Variants in PAPSS1 observed in about 807,000 individuals in gnomAD.
The protein encoded by PAPSS1 is bifunctional 3'-phosphoadenosine 5'-phosphosulfate synthase 1.
A neutral mutation model predicts 72.0 loss-of-function variants in PAPSS1; 50 were observed. That is an observed-to-expected ratio of 0.69 (90% CI 0.55 to 0.88). The LOEUF (loss-of-function observed/expected upper bound fraction) is 0.88, where lower values mean the gene tolerates loss of function less well. Among genes scored for constraint, PAPSS1 ranks in the 40% least tolerant of loss-of-function variants. The pLI, the probability that PAPSS1 is intolerant of heterozygous loss-of-function variation, is 0.00. For missense variants in PAPSS1, 657 were observed against 782.2 expected (o/e 0.84, Z 1.91); for synonymous variants, 261 against 263.6 (o/e 0.99, Z 0.09).
chr4:107,709,500 G>A (rs1291505514), intron 1 of PAPSS1, among the ~76,000 whole-genome samples: 2 of 152,210 alleles, frequency 1.3e-5, no homozygotes, highest in Non-Finnish European at 2.9e-5. Flanking sequence ...GTTAGGAGAT[G>A]AGAGGAGCCT....
chr4:107,648,995 T>G (rs555168039), intron 9 of PAPSS1, among the ~76,000 whole-genome samples: 5 of 152,364 alleles, frequency 3.3e-5, no homozygotes, highest in Admixed American at 1.3e-4. Flanking sequence ...ATGGCAGCAA[T>G]GAACTACTTT....
Position 107,720,219 on chromosome 4 carries a change from G to T in PAPSS1, c.-40C>A, listed in dbSNP as rs566161497. ...CTGAGCAGCCGGGGTTCTCTGCGCCGGGAGGGTAGCAAGAGGAGGGCAGGC... is the reference window on the plus strand; with the variant it reads ...CTGAGCAGCCGGGGTTCTCTGCGCCTGGAGGGTAGCAAGAGGAGGGCAGGC... On this transcript the variant is annotated 5_prime_UTR_variant, in exon 1 of 12. Transcript: ENST00000265174. 3.2e-6 allele frequency: 5 copies of T among 1,582,862 alleles called. No individual in the cohort carries two copies. Among genetic ancestry groups the T allele is most frequent in the African/African-American group, 1.4e-5 (1 of 72,496 alleles).
At chr4:107,676,568 A>C (rs1164872657) in intron 5 of PAPSS1, among the ~76,000 whole-genome samples, 6 of 152,232 alleles carry the variant, frequency 3.9e-5, no homozygotes, top group Non-Finnish European at 8.8e-5. Context: ...TTCCATGCTC[A>C]TGGGTAGGAA....
rs147908305 is a variant in PAPSS1 at position 107,716,666 on chromosome 4, A to G, written c.60+3454T>C. 5.5e-3 allele frequency among the ~76,000 whole-genome samples: 819 copies of G among 149,410 alleles called. 8 individuals carry two copies. Among genetic ancestry groups the G allele is most frequent in the African/African-American group, 0.019 (768 of 41,358 alleles). ...TGAAAACTGGTCCCATTGGAGAAAG[A>G]TTCAATTGGATAGAAAATGATATTC... is the stretch of plus-strand genomic sequence containing the variant. On this transcript the variant is annotated intron_variant, in intron 1 of 11. Coordinates refer to ENST00000265174, the MANE Select transcript of PAPSS1 (RefSeq NM_005443.5).
At chr4:107,622,515 G>C (rs956888248) in intron 11 of PAPSS1, among the ~76,000 whole-genome samples, 2 of 152,062 alleles carry the variant, frequency 1.3e-5, no homozygotes, top group Admixed American at 1.3e-4. Context: ...CCCTACAATG[G>C]TTTCAAAAGA....
chr4:107,651,016 A>T (rs1726826171), intron 9 of PAPSS1, among the ~76,000 whole-genome samples: 1 of 152,330 alleles, frequency 6.6e-6, no homozygotes, highest in Admixed American at 6.5e-5. Context: ...TGTATCAATC[A>T]TTATTCATTC....
At chr4:107,684,779 C>T (rs1722729068) in intron 4 of PAPSS1, among the ~76,000 whole-genome samples, 1 of 149,444 alleles carries the variant, frequency 6.7e-6, no homozygotes, top group Admixed American at 6.8e-5. Context: ...TGATTGATGT[C>T]TCATGCCTCT....
chr4:107,644,649 G>A (rs17037943), intron 10 of PAPSS1, among the ~76,000 whole-genome samples, 153 bp downstream of exon 10: 34,125 of 152,072 alleles, frequency 0.22, 3,878 homozygotes, highest in East Asian at 0.37. Context: ...AGCATCCAGG[G>A]AATATCCCTA....
chr4:107,714,101 C>T (rs922981095), intron 1 of PAPSS1, among the ~76,000 whole-genome samples: 10 of 152,130 alleles, frequency 6.6e-5, no homozygotes, highest in African/African-American at 2.2e-4. Context: ...GCAGAAATCC[C>T]CCATCCTCCA....
In PAPSS1 at chr4:107,628,912, A is replaced by ACTAC. The variant is rs1481002042; in HGVS notation, c.1736+2715_1736+2718dup. On this transcript the variant is annotated intron_variant, in intron 11 of 11. Transcript: ENST00000265174. ...ACAACTTCAGAGTTTACAGCTTCAC[A>ACTAC]CTACCACTTTAAACTTACAGAGTGT... Among the ~76,000 whole-genome samples the ACTAC allele has an allele frequency of 2.6e-5, 4 of 152,222 alleles. No individual in the cohort carries two copies. In the South Asian group the frequency reaches 8.3e-4, roughly 32 times the overall value.
At chr4:107,707,094 G>T (rs1246859335) in intron 1 of PAPSS1, among the ~76,000 whole-genome samples, 1 of 152,204 alleles carries the variant, frequency 6.6e-6, no homozygotes, top group East Asian at 1.9e-4. Context: ...TATTGGGATG[G>T]TCCTGAAACC....
rs1726658582 is a variant in PAPSS1 at position 107,645,130 on chromosome 4, G to T, written c.1238-60C>A. ...GTTTCTAACAGATTACTTTCCAAAG[G>T]ATACGCAATTTTTCTTAAAACTTGA... On this transcript the variant is annotated intron_variant, in intron 9 of 11. Transcript: ENST00000265174. 6 of 1,318,946 alleles carry T rather than the reference G, an allele frequency of 4.5e-6. No homozygotes were observed. In the African/African-American group the frequency reaches 6.0e-5, roughly 13 times the overall value. 81.7% of individuals were successfully genotyped at this position (1,318,946 alleles called of 1,614,324 possible).
intron 2 of PAPSS1, among the ~76,000 whole-genome samples, chr4:107,698,813 C>T (rs1723136924): frequency 6.6e-6 from 1 of 152,130 alleles, no homozygotes; most frequent in Non-Finnish European, 1.5e-5. Flanking sequence ...GGAGAAAAAT[C>T]CCCAAGTGCT....
intron 10 of PAPSS1, among the ~76,000 whole-genome samples, chr4:107,636,891 C>T (rs58159062): frequency 6.4e-4 from 98 of 152,174 alleles, no homozygotes; most frequent in African/African-American, 1.8e-3. Context: ...ATTTGTGGAG[C>T]TAAGGTTTAC....
chr4:107,675,697 A>T (rs1307909440), intron 5 of PAPSS1, among the ~76,000 whole-genome samples: 9 of 152,214 alleles, frequency 5.9e-5, no homozygotes, highest in African/African-American at 2.2e-4. Context: ...AGCCAGCATC[A>T]TCCTGCTACC....
chr4:107,675,846 C>G (rs1464910380), intron 5 of PAPSS1, among the ~76,000 whole-genome samples: 1 of 152,120 alleles, frequency 6.6e-6, no homozygotes, highest in Non-Finnish European at 1.5e-5. Flanking sequence ...ATGATCAAGT[C>G]AGCTTCATCC....
rs189344863 is a variant in PAPSS1, at chr4:107,656,669, A to G, written c.895+227T>C. ...CAATCCATCCTCAGCCCTGATTCCC[A>G]GATTTTCCCTCTCTCTTTGCAATAA... On this transcript the variant is annotated intron_variant, in intron 7 of 11. Transcript: ENST00000265174. Among the ~76,000 whole-genome samples, 317 of 152,288 alleles carry G rather than the reference A, an allele frequency of 2.1e-3. 3 individuals carry two copies. The highest frequency in any genetic ancestry group is 7.2e-3 in the African/African-American group (300 of 41,552).
chr4:107,655,862 A>G (rs1181258973), intron 7 of PAPSS1, among the ~76,000 whole-genome samples: 2 of 152,242 alleles, frequency 1.3e-5, no homozygotes, highest in South Asian at 2.1e-4. Context: ...ATCAAAATGC[A>G]TTATTTAATC....
Position 107,654,805 on chromosome 4 carries a change from C to T in PAPSS1, c.991G>A (p.Glu331Lys). 6.2e-7 allele frequency: 1 copy of T among 1,614,012 alleles called. No homozygotes were observed. The highest frequency in any genetic ancestry group is 1.1e-5 in the South Asian group (1 of 91,078). Residue 331 changes from glutamate (E) to lysine (K), a missense_variant, in exon 8 of 12, where the codon GAG becomes AAG. Physicochemically the swap from Glu to Lys is moderately conservative, Grantham distance 56 (BLOSUM62 1). Transcript: ENST00000265174. ...CGAAGAATGGCCACACGGCGGCCCT[C>T]ATACATCAGAGCAAATGCTGTACAG... The part of the protein sequence containing the change: ...DGCTAFALMY[E>K]GRRVAILRNP...
Sources: gnomAD v4.1 joint callset for allele counts (sites outside exome capture counted in the v4.1 genomes callset) on GRCh38, gnomAD v4.1.1 for gene constraint, MANE v1.5 for transcripts, NCBI Gene and HGNC (gene_info 2026-07-23, HGNC 2026-07-21) for gene names.